DPYD: variants seen among roughly 807,000 people sequenced by gnomAD.
DPYD encodes dihydropyrimidine dehydrogenase [NADP(+)].
In DPYD, 109 loss-of-function variants were observed where a neutral mutation model predicts 116.2. The observed-to-expected ratio is 0.94, with a 90% CI of 0.80 to 1.10. DPYD has a LOEUF of 1.10. Among genes scored for constraint, DPYD ranks in the 50% least tolerant of loss-of-function variants. The pLI is 0.00. For missense variants in DPYD, 1,302 were observed against 1,254.5 expected (o/e 1.04, Z -0.57); for synonymous variants, 440 against 432.0 (o/e 1.02, Z -0.23).
chr1:97,602,136 CTGAG>C (rs1380005026), intron 8 of DPYD, among the ~76,000 whole-genome samples: 3 of 152,018 alleles, frequency 2.0e-5, no homozygotes, highest in Non-Finnish European at 2.9e-5. Flanking sequence ...AAGTGGATTA[CTGAG>C]TATTATTATA....
At chr1:97,618,395 A>T (rs80164133) in intron 8 of DPYD, among the ~76,000 whole-genome samples, 1,961 of 137,934 alleles carry the variant, frequency 0.014, 23 homozygotes, top group Middle Eastern at 0.023. Flanking sequence ...TTTTTTTTCT[A>T]GATGGAGTCT....
At chr1:97,449,409 G>A (rs1676274611) in intron 14 of DPYD, among the ~76,000 whole-genome samples, 1 of 151,850 alleles carries the variant, frequency 6.6e-6, no homozygotes, top group South Asian at 2.1e-4. Flanking sequence ...GAGGAAGAAG[G>A]AGTAGGAAAA....
At chr1:97,769,683 T>C (rs548498797) in intron 3 of DPYD, among the ~76,000 whole-genome samples, 76 of 152,350 alleles carry the variant, frequency 5.0e-4, no homozygotes, top group African/African-American at 1.8e-3. Context: ...TTGAACATAT[T>C]AGCTGCTTAT....
chr1:97,337,494 G>C (rs904188915), intron 16 of DPYD, among the ~76,000 whole-genome samples: 22 of 151,996 alleles, frequency 1.4e-4, no homozygotes, highest in Non-Finnish European at 2.9e-4. Context: ...CCTCTGTAGT[G>C]TAACACATCT....
chr1:97,397,243 GA>G (rs1176751388), intron 14 of DPYD, among the ~76,000 whole-genome samples: 1 of 151,980 alleles, frequency 6.6e-6, no homozygotes, highest in Non-Finnish European at 1.5e-5. Flanking sequence ...AAAAGATCAT[GA>G]CTACTACTGT....
chr1:97,548,144 G>A (rs1651041296), intron 12 of DPYD, among the ~76,000 whole-genome samples: 1 of 152,158 alleles, frequency 6.6e-6, no homozygotes, highest in African/African-American at 2.4e-5. Context: ...AACAAGAGTG[G>A]TAAAAAGGCA....
At chr1:97,228,383 A>G (rs1276904616) in intron 19 of DPYD, among the ~76,000 whole-genome samples, 2 of 152,166 alleles carry the variant, frequency 1.3e-5, no homozygotes, top group African/African-American at 4.8e-5. Context: ...TAATTTACAA[A>G]CATAGATTCA....
intron 8 of DPYD, among the ~76,000 whole-genome samples, chr1:97,604,830 T>A (rs1655482869): frequency 6.6e-6 from 1 of 152,016 alleles, no homozygotes; most frequent in African/African-American, 2.4e-5. Context: ...ATCCATAAAA[T>A]AGGTAAATCA....
chr1:97,639,892 T>C lies in DPYD; in HGVS notation c.850+39203A>G, dbSNP rs574922729. Among the ~76,000 whole-genome samples the C allele has an allele frequency of 7.2e-5, 11 of 152,318 alleles. No homozygotes were observed. The South Asian group carries it at 2.3e-3, about 32-fold the overall frequency. ...GAACAGATGACGCAGAACATGCCTATTCAAGACAACATGGTTTCTGAGTGA... is the reference window on the plus strand; with the variant it reads ...GAACAGATGACGCAGAACATGCCTACTCAAGACAACATGGTTTCTGAGTGA... On this transcript the variant is annotated intron_variant, in intron 8 of 22. Coordinates refer to ENST00000370192, the MANE Select transcript of DPYD (RefSeq NM_000110.4).
At chr1:97,615,012 T>G (rs1656178014) in intron 8 of DPYD, among the ~76,000 whole-genome samples, 1 of 152,148 alleles carries the variant, frequency 6.6e-6, no homozygotes, top group Non-Finnish European at 1.5e-5. Context: ...CTAAAAGATC[T>G]AGCTTACTCT....
chr1:97,554,966 T>C (rs1460392540), intron 11 of DPYD, among the ~76,000 whole-genome samples: 1 of 152,136 alleles, frequency 6.6e-6, no homozygotes, highest in Non-Finnish European at 1.5e-5. Flanking sequence ...TTGACATGGT[T>C]ATCTTTTCTC....
intron 14 of DPYD, among the ~76,000 whole-genome samples, chr1:97,404,826 A>T (rs1234562209): frequency 6.6e-6 from 1 of 151,736 alleles, no homozygotes; most frequent in East Asian, 1.9e-4. Context: ...ATATTGATTA[A>T]TGTTTTCTAT....
At chr1:97,168,378 C>T (rs912211175) in intron 20 of DPYD, among the ~76,000 whole-genome samples, 1 of 152,286 alleles carries the variant, frequency 6.6e-6, no homozygotes, top group South Asian at 2.1e-4. Context: ...CAAATCTCAG[C>T]TGAGCCACTT....
At chr1:97,388,362 A>C (rs1672480672) in intron 14 of DPYD, among the ~76,000 whole-genome samples, 1 of 152,088 alleles carries the variant, frequency 6.6e-6, no homozygotes. Flanking sequence ...ATAAAGGTGC[A>C]AGTTTTAGAG....
chr1:97,173,221 CGT>C (rs1328542082), intron 20 of DPYD, among the ~76,000 whole-genome samples: 2,250 of 123,708 alleles, frequency 0.018, 32 homozygotes, highest in Middle Eastern at 0.07. Flanking sequence ...TACACATATA[CGT>C]ACATATATGC....
intron 11 of DPYD, among the ~76,000 whole-genome samples, chr1:97,570,592 T>C (rs955874516): frequency 3.9e-5 from 6 of 151,948 alleles, no homozygotes; most frequent in Non-Finnish European, 8.8e-5. Context: ...TTAATAAATA[T>C]TATAATTAGA....
chr1:97,334,287 G>C (rs1570545966), intron 16 of DPYD, among the ~76,000 whole-genome samples: 2 of 152,122 alleles, frequency 1.3e-5, no homozygotes, highest in East Asian at 1.9e-4. Flanking sequence ...GAGTTTTCTT[G>C]CAAGTTATTT....
intron 3 of DPYD, among the ~76,000 whole-genome samples, chr1:97,752,703 G>A (rs573714626): frequency 4.6e-5 from 7 of 152,246 alleles, no homozygotes; most frequent in Admixed American, 2.0e-4. Flanking sequence ...ACTCAGCTCA[G>A]ATGTCTCCTG....
chr1:97,086,944 T>C (rs1017576681), intron 21 of DPYD, among the ~76,000 whole-genome samples: 9 of 152,254 alleles, frequency 5.9e-5, no homozygotes, highest in African/African-American at 2.2e-4. Context: ...TTTAACTATT[T>C]CCTTATCTGT....
Sources: allele counts gnomAD v4.1 joint callset (sites outside exome capture counted in the v4.1 genomes callset), GRCh38; gene constraint gnomAD v4.1.1; transcripts MANE v1.5; gene names NCBI Gene and HGNC (gene_info 2026-07-23, HGNC 2026-07-21).